The following DENND1C variants were observed in gnomAD, a reference collection of about 807,000 sequenced individuals.
The protein encoded by DENND1C is DENN domain-containing protein 1C.
In DENND1C, 64 loss-of-function variants were observed where a neutral mutation model predicts 87.9. That is an observed-to-expected ratio of 0.73 (90% CI 0.60 to 0.90). The LOEUF (loss-of-function observed/expected upper bound fraction) is 0.90. Among genes scored for constraint, DENND1C ranks in the 40% least tolerant of loss-of-function variants. DENND1C has a pLI of 0.00. For synonymous variants in DENND1C, 384 were observed against 424.4 expected (o/e 0.90, Z 1.17); for missense variants, 980 against 1,037.0 (o/e 0.95, Z 0.76).
At chr19:6,474,682 T>C (rs2092848282) in intron 14 of DENND1C, among the ~76,000 whole-genome samples, 1 of 152,134 alleles carries the variant, frequency 6.6e-6, no homozygotes, top group South Asian at 2.1e-4. Context: ...GGTGGCACTA[T>C]TGGGGTCCCA....
intron 1 of DENND1C, chr19:6,480,574 CTATCT>C (rs1913503002): frequency 4.4e-6 from 1 of 228,372 alleles, no homozygotes; most frequent in African/African-American, 3.5e-5. Context: ...ATCTATCTAT[CTATCT>C]ATCTATCTAT....
intron 6 of DENND1C, 169 bp from the exon 7 acceptor site, chr19:6,477,627 A>ATAATAC: frequency 4.4e-6 from 1 of 227,894 alleles, no homozygotes; most frequent in Non-Finnish European, 8.3e-6. Flanking sequence ...AATAATAATA[A>ATAATAC]TAATAGAGAC....
Position 6,481,621 on chromosome 19 carries a change from G to A in DENND1C, c.17+58C>T, listed in dbSNP as rs564476850. On this transcript the variant is annotated intron_variant, in intron 1 of 22. Coordinates refer to ENST00000381480, the MANE Select transcript of DENND1C (RefSeq NM_024898.4). ...TCCAGCCCCAGCTCCCCTCTGCCCC[G>A]GCTCAGGCCTGGCCCGGGAATCTTG... is the stretch of plus-strand genomic sequence containing the variant. The A allele has an allele frequency of 7.0e-5, 112 of 1,609,580 alleles. 2 individuals are homozygous for A. Among genetic ancestry groups the A allele is most frequent in the South Asian group, 4.5e-4 (41 of 90,438 alleles).
chr19:6,467,672 G>A lies in DENND1C; in HGVS notation c.2238C>T (p.Asp746=), dbSNP rs773866911. 8 of 1,526,148 alleles carry A rather than the reference G, an allele frequency of 5.2e-6. No individual in the cohort carries two copies. In the South Asian group the frequency reaches 7.9e-5, roughly 15 times the overall value. 94.5% of individuals were successfully genotyped at this position (1,526,148 alleles called of 1,614,324 possible). The change falls in exon 23 of 23, where the codon GAC becomes GAT. Residue 746 remains aspartate (D), a synonymous_variant. Coordinates refer to ENST00000381480, the MANE Select transcript of DENND1C (RefSeq NM_024898.4). The part of the protein sequence containing the change: ...DPSSDPSSLE[D]PRARPPKALL... ...GGGCTTTGGGAGGCCGGGCTCTGGG[G>A]TCCTCCAGAGAACTGGGGTCTGAGG...
rs1266659371 is a variant in DENND1C, at chr19:6,479,900, G to T, written c.85C>A (p.Pro29Thr). ...GGAGGGAACTGCCGCAGGATGGGGG[G>T]ATCTGTAGAAGAGAGCACGCCTCTA... is the stretch of plus-strand genomic sequence containing the variant. ...AACPASLQEDPPILRQFPPDF... is the reference protein window; with the variant it reads ...AACPASLQEDTPILRQFPPDF... The change falls in exon 3 of 23, where the codon CCC (proline) becomes ACC (threonine). Residue 29 changes from proline to threonine, a missense_variant and splice_region_variant. Pro to Thr is a conservative substitution (Grantham distance 38). Coordinates refer to ENST00000381480, the MANE Select transcript of DENND1C (RefSeq NM_024898.4). The T allele has an allele frequency of 1.9e-6, 3 of 1,603,678 alleles. No individual in the cohort carries two copies. The highest frequency in any genetic ancestry group is 1.7e-6 in the Non-Finnish European group (2 of 1,175,362).
In DENND1C at chr19:6,468,632, CGAAG is replaced by C. The variant is rs1328284584; in HGVS notation, c.1525_1528del (p.Leu509AlafsTer23). ...TTCCAGCTGGCGTCTCCTGCTGGGG[CGAAG>C]GGGCCGGTTCTGCAAAGGGTGGGGG... On this transcript the variant is annotated frameshift_variant, in exon 21 of 23. Coordinates refer to ENST00000381480, the MANE Select transcript of DENND1C (RefSeq NM_024898.4). LOFTEE classifies it high-confidence loss of function. 1.3e-6 allele frequency: 2 copies of C among 1,491,878 alleles called. No homozygotes were observed. Among genetic ancestry groups the C allele is most frequent in the African/African-American group, 2.8e-5 (2 of 70,928 alleles). The allele number at this position is 1,491,878 out of a possible 1,614,324, so 92.4% of individuals were successfully genotyped here. A position where few individuals can be genotyped will look rare whatever the true frequency, so the allele number is the denominator to read the frequency against.
intron 6 of DENND1C, among the ~76,000 whole-genome samples, chr19:6,478,388 G>A (rs1486031530): frequency 6.6e-6 from 1 of 151,564 alleles, no homozygotes; most frequent in Non-Finnish European, 1.5e-5. Context: ...GATTACAGGC[G>A]TGTGCCACGA....
chr19:6,471,336 G>T (rs777282605), intron 16 of DENND1C, 31 bp from the exon 17 acceptor site: 1 of 1,595,178 alleles, frequency 6.3e-7, no homozygotes, highest in African/African-American at 1.3e-5. Context: ...GGTGGTCACC[G>T]AAGGCTGGCT....
chr19:6,468,175 T>C, intron 22 of DENND1C, 57 bp from the exon 23 acceptor site: 1 of 1,610,396 alleles, frequency 6.2e-7, no homozygotes. Flanking sequence ...GCTGGCAAGT[T>C]GGATGGACCA....
intron 17 of DENND1C, 142 bp downstream of exon 17, chr19:6,471,123 T>G: frequency 8.4e-7 from 1 of 1,197,340 alleles, no homozygotes. Context: ...TTTTTTTTTT[T>G]TCAGTAGAGA....
Position 6,470,620 on chromosome 19 carries a change from G to GTTTTTT in DENND1C, c.1291-260_1291-255dup, listed in dbSNP as rs35687922. On this transcript the variant is annotated intron_variant, in intron 17 of 22. Coordinates refer to ENST00000381480, the MANE Select transcript of DENND1C (RefSeq NM_024898.4). ...GAGTCTCAAAGAACAGTTTTTTTTT[G>GTTTTTT]TTTTTTTTTTTTTTTTGCTGAGATG... Among the ~76,000 whole-genome samples the GTTTTTT allele has an allele frequency of 2.5e-3, 286 of 114,778 alleles. 22 individuals carry two copies. Among genetic ancestry groups the GTTTTTT allele is most frequent in the South Asian group, 2.9e-3 (10 of 3,460 alleles). 75.3% of individuals were successfully genotyped at this position (114,778 alleles called of 152,430 possible).
chr19:6,475,725 A>C lies in DENND1C; in HGVS notation c.806T>G (p.Val269Gly), dbSNP rs2092855498. Residue 269 changes from valine to glycine, a missense_variant, in exon 12 of 23, where the codon GTG (valine) becomes GGG (glycine). Val to Gly is a moderately radical substitution (Grantham distance 109). Transcript: ENST00000381480. ...CCAPMPYLIG[V>G]HASLAERVRE... The stretch of plus-strand genomic sequence containing the variant: ...GCTCACCTCGGCGAGACTGGCGTGC[A>C]CTCCAATGAGGTAGGGCATGGGCGC... The C allele has an allele frequency of 6.3e-7, 1 of 1,581,078 alleles. No homozygotes were observed. Among genetic ancestry groups the C allele is most frequent in the Non-Finnish European group, 8.6e-7 (1 of 1,163,002 alleles).
At chr19:6,481,256 C>A (rs1049201412) in intron 1 of DENND1C, among the ~76,000 whole-genome samples, 4 of 151,880 alleles carry the variant, frequency 2.6e-5, no homozygotes, top group African/African-American at 7.3e-5. Context: ...GTTGCACACA[C>A]AGTCCCCACC....
chr19:6,479,963 C>A, intron 2 of DENND1C, 24 bp downstream of exon 2: 1 of 1,602,522 alleles, frequency 6.2e-7, no homozygotes, highest in Non-Finnish European at 8.5e-7. Flanking sequence ...CTCCCACTCC[C>A]TCACTCCCAG....
intron 17 of DENND1C, among the ~76,000 whole-genome samples, chr19:6,470,852 C>T (rs1011485404): frequency 7.2e-5 from 11 of 152,012 alleles, no homozygotes; most frequent in Middle Eastern, 3.4e-3. Flanking sequence ...GATCTCCTGA[C>T]CTTGTGATCC....
Position 6,468,965 on chromosome 19 carries a change from A to C in DENND1C, c.1408-12T>G, listed in dbSNP as rs762017737. On this transcript the variant is annotated splice_polypyrimidine_tract_variant and intron_variant, in intron 19 of 22. Coordinates refer to ENST00000381480, the MANE Select transcript of DENND1C (RefSeq NM_024898.4). Reference sequence around the variant, plus strand: ...ACAGAGTCCCCATCCTAGGAAGAGAAGAGTGAACTGGGAACCTCTGCCACA... The same window carrying C: ...ACAGAGTCCCCATCCTAGGAAGAGACGAGTGAACTGGGAACCTCTGCCACA... 1 of 1,378,374 alleles carries C rather than the reference A, an allele frequency of 7.3e-7. No individual in the cohort carries two copies. The highest frequency in any genetic ancestry group is 9.4e-7 in the Non-Finnish European group (1 of 1,062,598). The allele number at this position is 1,378,374 out of a possible 1,614,324, so 85.4% of individuals were successfully genotyped here. A position where few individuals can be genotyped will look rare whatever the true frequency, so the allele number is the denominator to read the frequency against.
In DENND1C at chr19:6,467,608, G is replaced by C. The variant is rs141830432; in HGVS notation, c.2302C>G (p.Pro768Ala). Residue 768 changes from proline (P) to alanine (A), a missense_variant, in exon 23 of 23, where the codon CCA (proline) becomes GCA (alanine). Coordinates refer to ENST00000381480, the MANE Select transcript of DENND1C (RefSeq NM_024898.4). ...GTAGCAGGGGAATTCAGGGCTCCTG[G>C]TTCCTCCCGTGGCTGGAGGTGAGCG... ...ERAHLQPREE[P>A]GALNSPATPT... The C allele has an allele frequency of 2.5e-6, 4 of 1,580,130 alleles. No homozygotes were observed. Among genetic ancestry groups the C allele is most frequent in the Non-Finnish European group, 3.4e-6 (4 of 1,166,664 alleles).
chr19:6,470,411 C>T (rs1233222720), intron 17 of DENND1C, 45 bp from the exon 18 acceptor site: 4 of 1,577,996 alleles, frequency 2.5e-6, no homozygotes, highest in Admixed American at 3.6e-5. Flanking sequence ...GGGCCAGATC[C>T]CACCTCCCCA....
chr19:6,481,481 G>GAT (rs1289119117), intron 1 of DENND1C, among the ~76,000 whole-genome samples, 198 bp downstream of exon 1: 1 of 151,964 alleles, frequency 6.6e-6, no homozygotes, highest in East Asian at 1.9e-4. Flanking sequence ...GAGAGAGAGA[G>GAT]AGAGAGGAGG....
Sources: allele counts gnomAD v4.1 joint callset (sites outside exome capture counted in the v4.1 genomes callset), GRCh38; gene constraint gnomAD v4.1.1; transcripts MANE v1.5; gene names NCBI Gene and HGNC (gene_info 2026-07-23, HGNC 2026-07-21).